The following SPMIP3 variants were observed in gnomAD, a reference collection of about 807,000 sequenced individuals.
SPMIP3 encodes sperm microtubule inner protein 3.
chr1:244,363,654 G>A, the SPMIP3 span, among the ~76,000 whole-genome samples: 1 of 152,176 alleles, frequency 6.6e-6, no homozygotes, highest in African/African-American at 2.4e-5. Flanking sequence ...GCTTCCAGGA[G>A]TATTGAGTTC....
At chr1:244,370,955 A>C in the SPMIP3 span, among the ~76,000 whole-genome samples, 7 of 152,136 alleles carry the variant, frequency 4.6e-5, no homozygotes, top group African/African-American at 1.4e-4. Context: ...TCATTTCTGT[A>C]AAAATGCTCT....
chr1:244,384,018 C>T, the SPMIP3 span, among the ~76,000 whole-genome samples: 7 of 152,130 alleles, frequency 4.6e-5, no homozygotes, highest in Non-Finnish European at 1.0e-4. Flanking sequence ...CACAGATCAC[C>T]ACTAAAGAGC....
the SPMIP3 span, chr1:244,364,812 TG>T: frequency 1.3e-6 from 2 of 1,573,070 alleles, no homozygotes; most frequent in Non-Finnish European, 1.8e-6. Flanking sequence ...GCCAGGTGCC[TG>T]GGGAGTTAGA....
At chr1:244,382,088 AGTT>A in the SPMIP3 span, among the ~76,000 whole-genome samples, 1 of 152,224 alleles carries the variant, frequency 6.6e-6, no homozygotes, top group Non-Finnish European at 1.5e-5. Context: ...AGTATGATTT[AGTT>A]GTTTGTTGAG....
At chr1:244,365,452 G>A in the SPMIP3 span, among the ~76,000 whole-genome samples, 55,526 of 151,966 alleles carry the variant, frequency 0.37, 11,224 homozygotes, top group East Asian at 0.77. Context: ...CTTGCCTGCC[G>A]CCATGGAAGA....
At chr1:244,372,583 A>G in the SPMIP3 span, among the ~76,000 whole-genome samples, 1 of 152,014 alleles carries the variant, frequency 6.6e-6, no homozygotes, top group Admixed American at 6.6e-5. Flanking sequence ...AGCTGGGACT[A>G]CAGGTGCCCG....
At chr1:244,387,925 C>CT in the SPMIP3 span, among the ~76,000 whole-genome samples, 1,304 of 143,956 alleles carry the variant, frequency 9.1e-3, 12 homozygotes, top group African/African-American at 0.025. Context: ...TTGCTTTTCT[C>CT]TTTTTTTTTT....
At chr1:244,374,587 C>CTTTTTTTTTT in the SPMIP3 span, among the ~76,000 whole-genome samples, 1 of 74,616 alleles carries the variant, frequency 1.3e-5, no homozygotes. Context: ...CCACATTTCT[C>CTTTTTTTTTT]TTTTTTTTTT....
At chr1:244,368,124 T>A in the SPMIP3 span, among the ~76,000 whole-genome samples, 1 of 152,198 alleles carries the variant, frequency 6.6e-6, no homozygotes, top group African/African-American at 2.4e-5. Context: ...CACACCTGGC[T>A]AATTTTTTAT....
At chr1:244,385,696 T>C in the SPMIP3 span, among the ~76,000 whole-genome samples, 1 of 152,068 alleles carries the variant, frequency 6.6e-6, no homozygotes, top group Non-Finnish European at 1.5e-5. Flanking sequence ...TATGTACTAT[T>C]ACTATGCCTT....
chr1:244,385,715 T>C, the SPMIP3 span, among the ~76,000 whole-genome samples: 3 of 142,904 alleles, frequency 2.1e-5, no homozygotes, highest in African/African-American at 8.1e-5. Flanking sequence ...TTCAAAAATG[T>C]TAGTTACTAT....
chr1:244,385,776 AC>A, the SPMIP3 span, among the ~76,000 whole-genome samples: 1 of 152,198 alleles, frequency 6.6e-6, no homozygotes, highest in Non-Finnish European at 1.5e-5. Context: ...TCTGTAAAAT[AC>A]TAATACAATG....
chr1:244,369,896 C>T, the SPMIP3 span, among the ~76,000 whole-genome samples: 3 of 152,238 alleles, frequency 2.0e-5, no homozygotes, highest in East Asian at 1.9e-4. Context: ...GTACTATACA[C>T]GTGGTGACAG....
the SPMIP3 span, among the ~76,000 whole-genome samples, chr1:244,357,231 A>ACTT: frequency 1.6e-5 from 1 of 63,808 alleles, no homozygotes; most frequent in Non-Finnish European, 4.4e-5. Flanking sequence ...ATGGAGATTG[A>ACTT]AACAAATATA....
chr1:244,353,528 T>TA, the SPMIP3 span, among the ~76,000 whole-genome samples: 1 of 152,128 alleles, frequency 6.6e-6, no homozygotes. Context: ...CAGAAACCAA[T>TA]AAACCAAAAA....
chr1:244,357,095 T>C, the SPMIP3 span, among the ~76,000 whole-genome samples: 2 of 151,846 alleles, frequency 1.3e-5, no homozygotes, highest in African/African-American at 4.8e-5. Context: ...ATAATTATTG[T>C]ATTTTTTGTA....
At chr1:244,388,389 C>CA in the SPMIP3 span, among the ~76,000 whole-genome samples, 1 of 149,004 alleles carries the variant, frequency 6.7e-6, no homozygotes, top group Non-Finnish European at 1.5e-5. Context: ...TCCTTCCCCC[C>CA]AGACGTACTC....
the SPMIP3 span, among the ~76,000 whole-genome samples, chr1:244,385,835 T>C: frequency 2.6e-5 from 4 of 152,146 alleles, no homozygotes; most frequent in African/African-American, 9.6e-5. Flanking sequence ...GTGCACAAGG[T>C]AAAAATCATG....
the SPMIP3 span, among the ~76,000 whole-genome samples, chr1:244,372,537 A>G: frequency 1.3e-5 from 2 of 149,928 alleles, no homozygotes; most frequent in Non-Finnish European, 3.0e-5. Context: ...CCCACCTTCC[A>G]GGTTCACACC....
Sources: gnomAD v4.1 joint callset for allele counts (sites outside exome capture counted in the v4.1 genomes callset) on GRCh38, gnomAD v4.1.1 for gene constraint, MANE v1.5 for transcripts, NCBI Gene and HGNC (gene_info 2026-07-23, HGNC 2026-07-21) for gene names.